Variants in NF2 observed in about 807,000 individuals in gnomAD.
NF2 encodes the protein merlin.
A neutral mutation model predicts 83.7 loss-of-function variants in NF2; 8 were observed. The observed-to-expected ratio is 0.10, with a 90% CI of 0.06 to 0.17. The LOEUF (loss-of-function observed/expected upper bound fraction) is 0.17, where lower values mean the gene tolerates loss of function less well. NF2 is among the 10% of genes least tolerant of loss of function. NF2 has a pLI of 1.00. For missense variants in NF2, 533 were observed against 744.4 expected (o/e 0.72, Z 3.31); for synonymous variants, 266 against 269.6 (o/e 0.99, Z 0.13).
chr22:29,665,526 G>C (rs535881708), intron 9 of NF2, among the ~76,000 whole-genome samples: 17 of 152,298 alleles, frequency 1.1e-4, no homozygotes, highest in Non-Finnish European at 2.1e-4. Flanking sequence ...TTACAGTCAT[G>C]ACCCACTGCG....
chr22:29,668,259 T>A, intron 9 of NF2, 74 bp from the exon 10 acceptor site: 1 of 1,043,590 alleles, frequency 9.6e-7, no homozygotes, highest in Non-Finnish European at 1.5e-6. Flanking sequence ...CAAACTGCTA[T>A]GGCACTAGTG....
rs886057348 is a variant in NF2, at chr22:29,695,568, G to GGA, written c.*768_*769dup. 1.6e-4 allele frequency: 37 copies of GGA among 235,702 alleles called. No homozygotes were observed. The highest frequency in any genetic ancestry group is 2.5e-4 in the Non-Finnish European group (30 of 119,704). 14.6% of individuals were successfully genotyped at this position (235,702 alleles called of 1,614,324 possible). On this transcript the variant is annotated 3_prime_UTR_variant, in exon 16 of 16. Coordinates refer to ENST00000338641, the MANE Select transcript of NF2 (RefSeq NM_000268.4). The surrounding 1 kb of genome is among the most constrained non-coding windows in gnomAD (Gnocchi z 5.4). ...TAGACCAGGGTCCGAGAGGCAGGCA[G>GGA]GAGCCACTCATGTCTTCCCCATTGC...
intron 15 of NF2, among the ~76,000 whole-genome samples, chr22:29,687,447 C>T (rs1263693784): frequency 1.3e-5 from 2 of 152,068 alleles, no homozygotes; most frequent in Non-Finnish European, 2.9e-5. Flanking sequence ...TGAAGTAGAA[C>T]AGTTAAAAAA....
chr22:29,604,681 G>A (rs1180398835), intron 1 of NF2, among the ~76,000 whole-genome samples: 1 of 152,124 alleles, frequency 6.6e-6, no homozygotes, highest in Non-Finnish European at 1.5e-5. Context: ...TGGCAAGGTG[G>A]GGTTTTGAAC....
At chr22:29,635,065 T>C (rs952543857) in intron 1 of NF2, among the ~76,000 whole-genome samples, 4 of 152,182 alleles carry the variant, frequency 2.6e-5, no homozygotes, top group Admixed American at 2.6e-4. Flanking sequence ...CCAGTATGCA[T>C]CTCAGCTACT....
chr22:29,675,164 G>C (rs866714819), intron 13 of NF2, among the ~76,000 whole-genome samples: 4 of 152,188 alleles, frequency 2.6e-5, no homozygotes, highest in African/African-American at 9.7e-5. Flanking sequence ...CTGGATAACA[G>C]GCAACAGGGC....
At chr22:29,683,223 G>A (rs1485397679) in intron 15 of NF2, 4 of 1,582,872 alleles carry the variant, frequency 2.5e-6, no homozygotes, top group Non-Finnish European at 3.4e-6. Context: ...GAGTCTAAAA[G>A]TAGGCACCCA....
At chr22:29,614,523 A>G (rs1055038879) in intron 1 of NF2, among the ~76,000 whole-genome samples, 14 of 147,964 alleles carry the variant, frequency 9.5e-5, no homozygotes, top group Admixed American at 1.4e-4. Flanking sequence ...TGGAGCTTGC[A>G]GTAAGCCGAG....
chr22:29,616,665 C>T (rs2065088689), intron 1 of NF2, among the ~76,000 whole-genome samples: 1 of 151,674 alleles, frequency 6.6e-6, no homozygotes, highest in South Asian at 2.1e-4. Context: ...TCACTTGAAC[C>T]TGGAAGGCGG....
intron 15 of NF2, among the ~76,000 whole-genome samples, chr22:29,686,971 C>G (rs1444400042): frequency 6.6e-6 from 1 of 152,130 alleles, no homozygotes; most frequent in Non-Finnish European, 1.5e-5. Context: ...GGCTTTCGTG[C>G]CTTCAGAGCC....
intron 1 of NF2, among the ~76,000 whole-genome samples, chr22:29,628,199 C>T (rs895442405): frequency 1.3e-4 from 20 of 148,776 alleles, no homozygotes; most frequent in African/African-American, 5.0e-4. Flanking sequence ...CCCTTGCCTT[C>T]AAGGAGTTTG....
Position 29,681,628 on chromosome 22 carries a change from T to G in NF2, c.1737+27T>G, listed in dbSNP as rs2067139756. 3 of 1,613,478 alleles carry G rather than the reference T, an allele frequency of 1.9e-6. No homozygotes were observed. In the South Asian group the frequency reaches 3.3e-5, roughly 18 times the overall value. Reference sequence around the variant, plus strand: ...TACCCAGGGTCTCTTTCTTGTATTTTGCTGATCAGGACCATCATTAATGAA... The same window carrying G: ...TACCCAGGGTCTCTTTCTTGTATTTGGCTGATCAGGACCATCATTAATGAA... On this transcript the variant is annotated intron_variant, in intron 15 of 15. Coordinates refer to ENST00000338641, the MANE Select transcript of NF2 (RefSeq NM_000268.4).
At chr22:29,649,643 G>T (rs1442892233) in intron 4 of NF2, among the ~76,000 whole-genome samples, 1 of 152,146 alleles carries the variant, frequency 6.6e-6, no homozygotes, top group East Asian at 1.9e-4. Flanking sequence ...TCAGGAGGCT[G>T]AGGCACGAGA....
At position 29,628,906 on chromosome 22, in the gene NF2, C is replaced by T. The variant is rs564496143; in HGVS notation, c.115-7845C>T. On this transcript the variant is annotated intron_variant, in intron 1 of 15. Coordinates refer to ENST00000338641, the MANE Select transcript of NF2 (RefSeq NM_000268.4). ...TCGGCCTCCCAAAGTGCTGGAGTTACAGGCATGAGCCACTGCGCCTGGCCT... is the reference window on the plus strand; with the variant it reads ...TCGGCCTCCCAAAGTGCTGGAGTTATAGGCATGAGCCACTGCGCCTGGCCT... Among the ~76,000 whole-genome samples, 21 of 152,262 alleles carry T rather than the reference C, an allele frequency of 1.4e-4. No individual in the cohort carries two copies. In the South Asian group the frequency reaches 1.9e-3, roughly 14 times the overall value.
intron 1 of NF2, among the ~76,000 whole-genome samples, chr22:29,612,494 TTTTG>T (rs1377951879): frequency 2.0e-5 from 3 of 151,024 alleles, no homozygotes; most frequent in African/African-American, 7.3e-5. Context: ...AGCTTTTTTT[TTTTG>T]TTTGTTTGTT....
At chr22:29,668,205 A>G (rs2066680354) in intron 9 of NF2, 128 bp from the exon 10 acceptor site, 1 of 706,388 alleles carries the variant, frequency 1.4e-6, no homozygotes, top group Admixed American at 2.1e-5. Flanking sequence ...TTGGTGTTTC[A>G]CTCTATGCAT....
intron 1 of NF2, chr22:29,608,910 G>T: frequency 3.7e-6 from 2 of 539,156 alleles, no homozygotes; most frequent in Admixed American, 3.0e-5. Flanking sequence ...ATGGCATCGG[G>T]CTGCAAGATT....
At chr22:29,690,623 GA>G (rs2067379310) in intron 15 of NF2, among the ~76,000 whole-genome samples, 1 of 152,216 alleles carries the variant, frequency 6.6e-6, no homozygotes, top group Non-Finnish European at 1.5e-5. Flanking sequence ...GAAAGAAAAG[GA>G]AGTTCGTCTC....
chr22:29,662,237 T>C (rs1158847296), intron 8 of NF2, among the ~76,000 whole-genome samples: 3 of 152,122 alleles, frequency 2.0e-5, no homozygotes, highest in African/African-American at 7.2e-5. Context: ...TGGGCTCAGG[T>C]GATCCTCTCA....
Sources: allele counts gnomAD v4.1 joint callset (sites outside exome capture counted in the v4.1 genomes callset), GRCh38; gene constraint gnomAD v4.1.1; non-coding constraint Gnocchi (gnomAD v3.1); transcripts MANE v1.5; gene names NCBI Gene and HGNC (gene_info 2026-07-23, HGNC 2026-07-21).